Variants in GPHN observed in about 807,000 individuals in gnomAD.
GPHN encodes gephyrin.
GPHN carries 17 observed loss-of-function variants against 95.5 expected under a neutral mutation model. The observed-to-expected ratio is 0.18, with a 90% confidence interval of 0.12 to 0.27. The LOEUF (loss-of-function observed/expected upper bound fraction) is 0.27, where lower values mean the gene tolerates loss of function less well. Among genes scored for constraint, GPHN ranks in the 10% least tolerant of loss-of-function variants. The probability of loss-of-function intolerance (pLI) is 1.00; values close to 1 mark genes in which losing one functional copy is unlikely to be tolerated. For missense variants in GPHN, 660 were observed against 978.1 expected (o/e 0.67, Z 4.34); for synonymous variants, 320 against 322.5 (o/e 0.99, Z 0.08).
the GPHN span, among the ~76,000 whole-genome samples, chr14:67,214,306 G>A: frequency 1.1e-3 from 168 of 152,212 alleles, no homozygotes; most frequent in African/African-American, 3.7e-3. Flanking sequence ...TAGGTCTAAC[G>A]TTTAAGTCTT....
intron 1 of GPHN, among the ~76,000 whole-genome samples, chr14:66,549,733 A>G (rs2059745684): frequency 6.6e-6 from 1 of 152,166 alleles, no homozygotes; most frequent in South Asian, 2.1e-4. Context: ...AAAAGCTTCA[A>G]AGGACATGCT....
chr14:66,967,638 G>T (rs1389557302), intron 9 of GPHN, among the ~76,000 whole-genome samples: 1 of 151,740 alleles, frequency 6.6e-6, no homozygotes, highest in Non-Finnish European at 1.5e-5. Context: ...TGCTAAAAAA[G>T]TCTCAGATTT....
At chr14:66,777,093 AAAAGAG>A (rs2059411427) in intron 3 of GPHN, among the ~76,000 whole-genome samples, 1 of 152,048 alleles carries the variant, frequency 6.6e-6, no homozygotes, top group Non-Finnish European at 1.5e-5. Flanking sequence ...TAAAAAAAAA[AAAAGAG>A]AGAAGAATCA....
chr14:66,639,454 A>T (rs918533546), intron 1 of GPHN, among the ~76,000 whole-genome samples: 1 of 152,166 alleles, frequency 6.6e-6, no homozygotes, highest in African/African-American at 2.4e-5. Flanking sequence ...ATGAAGCGTT[A>T]GTTGCATTTA....
chr14:66,636,358 A>G (rs1162988112), intron 1 of GPHN, among the ~76,000 whole-genome samples: 1 of 152,110 alleles, frequency 6.6e-6, no homozygotes. Context: ...GACAATATAG[A>G]CCAGTTTGAA....
chr14:67,530,048 G>C, the GPHN span, among the ~76,000 whole-genome samples: 31 of 152,162 alleles, frequency 2.0e-4, no homozygotes, highest in Admixed American at 1.3e-3. Flanking sequence ...TCGTACAAGG[G>C]AAGATGAATT....
the GPHN span, chr14:67,648,502 CAAGAT>C: frequency 0.032 from 6,357 of 196,296 alleles, 358 homozygotes; most frequent in African/African-American, 0.13. Flanking sequence ...GATAAGAAGG[CAAGAT>C]AAGATAAGAG....
chr14:66,932,933 T>C (rs2066904215), intron 8 of GPHN, among the ~76,000 whole-genome samples: 1 of 152,210 alleles, frequency 6.6e-6, no homozygotes, highest in African/African-American at 2.4e-5. Flanking sequence ...GATAAGTTAA[T>C]TATTAGGGTT....
At chr14:66,592,658 C>T (rs878907654) in intron 1 of GPHN, among the ~76,000 whole-genome samples, 1 of 152,142 alleles carries the variant, frequency 6.6e-6, no homozygotes, top group Non-Finnish European at 1.5e-5. Flanking sequence ...ACTACAGATG[C>T]TGGAGTGGAT....
intron 12 of GPHN, among the ~76,000 whole-genome samples, chr14:67,095,135 A>C (rs529920375): frequency 1.3e-5 from 2 of 152,222 alleles, no homozygotes; most frequent in Non-Finnish European, 2.9e-5. Flanking sequence ...TTCTGTCTTC[A>C]TAAGACAAAC....
chr14:67,365,170 C>T, the GPHN span, among the ~76,000 whole-genome samples: 1 of 151,990 alleles, frequency 6.6e-6, no homozygotes, highest in African/African-American at 2.4e-5. Context: ...AATTAGCTAT[C>T]TAAGCAAGAT....
At chr14:67,620,382 G>C in the GPHN span, among the ~76,000 whole-genome samples, 1 of 152,108 alleles carries the variant, frequency 6.6e-6, no homozygotes, top group South Asian at 2.1e-4. Flanking sequence ...TGGGGTAATG[G>C]AGGGGAGAGA....
At chr14:67,153,362 G>A (rs766551539) in intron 18 of GPHN, among the ~76,000 whole-genome samples, 1 of 152,290 alleles carries the variant, frequency 6.6e-6, no homozygotes. Flanking sequence ...CAAGATCCAG[G>A]TGACAGCATG....
intron 4 of GPHN, among the ~76,000 whole-genome samples, chr14:66,844,617 GA>G (rs2062240622): frequency 6.6e-6 from 1 of 152,100 alleles, no homozygotes; most frequent in South Asian, 2.1e-4. Context: ...AAAAAGTATG[GA>G]TGGGTTTTTA....
At chr14:66,862,372 G>C (rs1401327456) in intron 4 of GPHN, among the ~76,000 whole-genome samples, 1 of 151,862 alleles carries the variant, frequency 6.6e-6, no homozygotes, top group African/African-American at 2.4e-5. Flanking sequence ...AGAAAAGCCT[G>C]AGATCCAATT....
At chr14:66,517,035 G>T (rs1433814533) in intron 1 of GPHN, among the ~76,000 whole-genome samples, 1 of 147,886 alleles carries the variant, frequency 6.8e-6, no homozygotes, top group Non-Finnish European at 1.5e-5. Context: ...GAGTGAGGCA[G>T]GAGAATCACT....
At chr14:66,553,632 A>G (rs1338762519) in intron 1 of GPHN, among the ~76,000 whole-genome samples, 20 of 151,706 alleles carry the variant, frequency 1.3e-4, no homozygotes, top group Admixed American at 1.2e-3. Flanking sequence ...GCTGGAGTGC[A>G]GTGGTGCGAT....
intron 14 of GPHN, 56 bp downstream of exon 14, chr14:67,110,315 A>T (rs994709911): frequency 6.3e-7 from 1 of 1,593,926 alleles, no homozygotes; most frequent in Non-Finnish European, 8.6e-7. Context: ...ATTATGTCAC[A>T]ACCATTTTCT....
chr14:66,653,946 A>G (rs1003867060), intron 1 of GPHN, among the ~76,000 whole-genome samples: 1 of 152,154 alleles, frequency 6.6e-6, no homozygotes, highest in Non-Finnish European at 1.5e-5. Context: ...CAGGGGTGCA[A>G]TAGCAGAGTT....
Sources: gnomAD v4.1 joint callset for allele counts (sites outside exome capture counted in the v4.1 genomes callset) on GRCh38, gnomAD v4.1.1 for gene constraint, MANE v1.5 for transcripts, NCBI Gene and HGNC (gene_info 2026-07-23, HGNC 2026-07-21) for gene names.